The following RBM33 variants were observed in gnomAD, a reference collection of about 807,000 sequenced individuals.
RBM33 encodes the protein RNA binding motif protein 33.
RBM33 carries 28 observed loss-of-function variants against 132.6 expected under a neutral mutation model. That is an observed-to-expected ratio of 0.21 (90% CI 0.16 to 0.29). RBM33 has a LOEUF of 0.29. RBM33 is among the 10% of genes least tolerant of loss of function. The pLI is 1.00. For synonymous variants in RBM33, 634 were observed against 593.0 expected (o/e 1.07, Z -1.01); for missense variants, 1,291 against 1,518.5 (o/e 0.85, Z 2.49).
chr7:155,760,773 A>T (rs60126516), intron 14 of RBM33, among the ~76,000 whole-genome samples: 3,772 of 152,266 alleles, frequency 0.025, 146 homozygotes, highest in African/African-American at 0.085. Context: ...AAAATTGTGT[A>T]CTCAGTATAG....
intron 2 of RBM33, among the ~76,000 whole-genome samples, chr7:155,666,883 C>CT (rs1000088544): frequency 7.2e-5 from 11 of 152,068 alleles, no homozygotes; most frequent in African/African-American, 2.7e-4. Context: ...GATGTATAAT[C>CT]TTTTTTCTGT....
At chr7:155,679,148 G>A (rs572744972) in intron 4 of RBM33, among the ~76,000 whole-genome samples, 1 of 152,126 alleles carries the variant, frequency 6.6e-6, no homozygotes, top group Admixed American at 6.5e-5. Context: ...CTCCAGCCTG[G>A]GAGACAGAGT....
chr7:155,723,986 A>G (rs73734711), intron 9 of RBM33, among the ~76,000 whole-genome samples: 5,485 of 152,240 alleles, frequency 0.036, 327 homozygotes, highest in African/African-American at 0.12. Flanking sequence ...AGTGCTATAT[A>G]TAGAGACTTA....
At chr7:155,713,213 A>G (rs1360164846) in intron 8 of RBM33, among the ~76,000 whole-genome samples, 2 of 152,082 alleles carry the variant, frequency 1.3e-5, no homozygotes, top group Non-Finnish European at 2.9e-5. Flanking sequence ...ATTAAATTTG[A>G]GATGCCAACT....
rs892963655 is a variant in RBM33, at chr7:155,644,724, A to G, written c.-153A>G. The G allele has an allele frequency of 9.3e-5, 50 of 537,596 alleles. No individual in the cohort carries two copies. The highest frequency in any genetic ancestry group is 1.4e-4 in the East Asian group (4 of 28,378). 33.3% of individuals were successfully genotyped at this position (537,596 alleles called of 1,614,324 possible). On this transcript the variant is annotated 5_prime_UTR_variant, in exon 1 of 18. Transcript: ENST00000401878. ...TTTCTTCCTGCGGAGGCGAAGGGCC[A>G]GCTGTGGACCGCGAAGCGCCCGGCT...
chr7:155,698,438 AGG>A (rs1469885806), intron 5 of RBM33, among the ~76,000 whole-genome samples: 1 of 152,132 alleles, frequency 6.6e-6, no homozygotes, highest in Non-Finnish European at 1.5e-5. Context: ...CATATGGTGA[AGG>A]GGGATGGATT....
chr7:155,680,932 G>A, intron 5 of RBM33, 24 bp downstream of exon 5: 7 of 1,586,492 alleles, frequency 4.4e-6, no homozygotes, highest in African/African-American at 1.3e-5. Flanking sequence ...CCTTTGTATG[G>A]CCAAAGATAA....
At chr7:155,701,532 CA>C (rs1310979572) in intron 6 of RBM33, 1 of 152,800 alleles carries the variant, frequency 6.5e-6, no homozygotes, top group African/African-American at 2.4e-5. Flanking sequence ...CCTCATTATA[CA>C]GTGTTTTTCA....
intron 5 of RBM33, among the ~76,000 whole-genome samples, chr7:155,682,553 G>A (rs1172018221): frequency 2.0e-5 from 3 of 152,208 alleles, no homozygotes; most frequent in South Asian, 2.1e-4. Context: ...AGTAAAGTAA[G>A]ATGATTGGCT....
chr7:155,652,860 T>A (rs746939791), intron 1 of RBM33, among the ~76,000 whole-genome samples: 11 of 152,152 alleles, frequency 7.2e-5, no homozygotes, highest in Non-Finnish European at 1.5e-4. Flanking sequence ...GAACTGGAAC[T>A]TTAAAAAGTA....
chr7:155,754,936 GCTTA>G (rs1328047593), intron 14 of RBM33, among the ~76,000 whole-genome samples: 1 of 152,192 alleles, frequency 6.6e-6, no homozygotes, highest in Non-Finnish European at 1.5e-5. Flanking sequence ...TGTTTTGCAT[GCTTA>G]CTATTTCATG....
intron 9 of RBM33, among the ~76,000 whole-genome samples, chr7:155,718,684 C>A (rs544787241): frequency 3.3e-5 from 5 of 152,110 alleles, no homozygotes; most frequent in Admixed American, 2.6e-4. Flanking sequence ...GAATGCCGTT[C>A]GTCTTAAAGA....
At position 155,671,970 on chromosome 7, in the gene RBM33, G is replaced by A. The variant is rs560856504; in HGVS notation, c.123-897G>A. 3.2e-4 allele frequency among the ~76,000 whole-genome samples: 49 copies of A among 152,046 alleles called. 2 individuals carry two copies. Among genetic ancestry groups the A allele is most frequent in the Admixed American group, 2.2e-3 (34 of 15,258 alleles). ...TAGTTGTAAAAATAGGGAGAAAGCCGGCTTCTAATCATTTAAAACAGAAAT... is the reference window on the plus strand; with the variant it reads ...TAGTTGTAAAAATAGGGAGAAAGCCAGCTTCTAATCATTTAAAACAGAAAT... On this transcript the variant is annotated intron_variant, in intron 2 of 17. Coordinates refer to ENST00000401878, the MANE Select transcript of RBM33 (RefSeq NM_053043.3).
chr7:155,742,066 C>A lies in RBM33; in HGVS notation c.2297C>A (p.Pro766His). ...GAAGTGAAAGTCAAGCCAGCTAGCC[C>A]TGTGGCTCAACCTAAAGAAGAGGCA... ...KTEVKVKPAS[P>H]VAQPKEEAKT... is the part of the protein sequence containing the mutation. Residue 766 changes from proline (P) to histidine (H), a missense_variant, in exon 13 of 18, where the codon CCT (proline) becomes CAT (histidine). Physicochemically the swap from Pro to His is moderately conservative, Grantham distance 77. Coordinates refer to ENST00000401878, the MANE Select transcript of RBM33 (RefSeq NM_053043.3). 6.2e-7 allele frequency: 1 copy of A among 1,613,952 alleles called. No homozygotes were observed. The highest frequency in any genetic ancestry group is 8.5e-7 in the Non-Finnish European group (1 of 1,179,870).
intron 1 of RBM33, among the ~76,000 whole-genome samples, chr7:155,658,735 T>C (rs1042665271): frequency 2.0e-5 from 3 of 152,182 alleles, no homozygotes; most frequent in African/African-American, 7.2e-5. Context: ...CAGTCTGTGA[T>C]GTGACAGAAG....
chr7:155,698,141 G>A (rs900666905), intron 5 of RBM33, among the ~76,000 whole-genome samples: 3 of 152,248 alleles, frequency 2.0e-5, no homozygotes, highest in Non-Finnish European at 4.4e-5. Flanking sequence ...GGCCGAGGTC[G>A]GTAGATCACG....
chr7:155,705,003 A>T (rs1192507501), intron 6 of RBM33, among the ~76,000 whole-genome samples: 2 of 152,188 alleles, frequency 1.3e-5, no homozygotes, highest in Admixed American at 6.5e-5. Context: ...TTATTTTGCC[A>T]AACAAATTGT....
In RBM33 at chr7:155,662,585, T is replaced by C. The variant is rs564299802; in HGVS notation, c.44-2590T>C. Among the ~76,000 whole-genome samples the C allele has an allele frequency of 5.8e-4, 88 of 151,762 alleles. 2 individuals carry two copies. In the South Asian group the frequency reaches 0.017, roughly 29 times the overall value. On this transcript the variant is annotated intron_variant, in intron 1 of 17. Transcript: ENST00000401878. ...GGACAGTGGTGTACCAGTCTCTGGG[T>C]GATACCCTTGCCTTAGGAGCTGAGT...
At chr7:155,733,772 C>T (rs866956355) in intron 9 of RBM33, among the ~76,000 whole-genome samples, 7 of 152,160 alleles carry the variant, frequency 4.6e-5, no homozygotes, top group Non-Finnish European at 1.0e-4. Context: ...AAAGAATGGC[C>T]GTTCACATTG....
Sources: gnomAD v4.1 joint callset for allele counts (sites outside exome capture counted in the v4.1 genomes callset) on GRCh38, gnomAD v4.1.1 for gene constraint, MANE v1.5 for transcripts, NCBI Gene and HGNC (gene_info 2026-07-23, HGNC 2026-07-21) for gene names.